CLCN4: variants seen among roughly 807,000 people sequenced by gnomAD.
CLCN4 encodes H(+)/Cl(-) exchange transporter 4.
In CLCN4, 1 loss-of-function variant was observed where a neutral mutation model predicts 41.7. The ratio of observed to expected loss-of-function variants is 0.02; its 90% CI spans 0.01 to 0.11. The LOEUF is 0.11. CLCN4 is among the 10% of genes least tolerant of loss of function. The pLI, the probability that CLCN4 is intolerant of heterozygous loss-of-function variation, is 1.00. For synonymous variants in CLCN4, 277 were observed against 285.8 expected, an observed-to-expected ratio of 0.97 and a Z score of 0.31; for missense variants, 287 against 661.0, an observed-to-expected ratio of 0.43 and a Z score of 6.20.
At chrX:10,224,562 G>A (rs1924943230) in intron 12 of CLCN4, among the ~76,000 whole-genome samples, 2 of 109,869 alleles carry the variant, frequency 1.8e-5, no homozygotes, top group Admixed American at 1.9e-4. Context: ...CAGGCGCTCC[G>A]GGGGGACTGT....
At chrX:10,175,890 TTCTCTC>T (rs1222370076) in intron 2 of CLCN4, among the ~76,000 whole-genome samples, 2 of 29,088 alleles carry the variant, frequency 6.9e-5, no homozygotes, top group African/African-American at 2.7e-4. Flanking sequence ...CTCTCTCTCT[TTCTCTC>T]TCTCTCTCCC....
intron 5 of CLCN4, among the ~76,000 whole-genome samples, chrX:10,195,351 G>C (rs1924071006): frequency 1.8e-5 from 2 of 110,083 alleles, no homozygotes; most frequent in Non-Finnish European, 3.8e-5. Flanking sequence ...CCTCATATTT[G>C]GCTTTATCTT....
intron 9 of CLCN4, among the ~76,000 whole-genome samples, chrX:10,209,593 G>C (rs1474657698): frequency 9.1e-6 from 1 of 110,164 alleles, no homozygotes; most frequent in Non-Finnish European, 1.9e-5. Context: ...AAACTCCCAG[G>C]CTCCAGTGAT....
At chrX:10,157,939 G>C (rs5934778) in intron 1 of CLCN4, among the ~76,000 whole-genome samples, 34,594 of 111,443 alleles carry the variant, frequency 0.31, 4,031 homozygotes, top group African/African-American at 0.39. Context: ...TTGGAATGCA[G>C]CTATTCAGAG....
chrX:10,163,750 G>A (rs1220791121), intron 2 of CLCN4, among the ~76,000 whole-genome samples: 1 of 111,979 alleles, frequency 8.9e-6, no homozygotes, highest in South Asian at 3.7e-4. Context: ...GGGTCTGTGC[G>A]TCTAGGCCAG....
chrX:10,163,957 C>T (rs901494186), intron 2 of CLCN4, among the ~76,000 whole-genome samples: 1 of 112,677 alleles, frequency 8.9e-6, no homozygotes, highest in African/African-American at 3.2e-5. Flanking sequence ...TCAGTATTGC[C>T]CCCAGTTGGT....
intron 2 of CLCN4, among the ~76,000 whole-genome samples, chrX:10,174,282 C>T (rs930896784): frequency 1.8e-5 from 2 of 111,986 alleles, no homozygotes; most frequent in Non-Finnish European, 3.8e-5. Context: ...GCCTGGTGGT[C>T]GGGGCACTGT....
chrX:10,228,670 C>T (rs113812594), intron 12 of CLCN4, among the ~76,000 whole-genome samples: 73 of 111,647 alleles, frequency 6.5e-4, no homozygotes, highest in African/African-American at 2.0e-3. Context: ...TGTCTGAAAG[C>T]TTCTGGCTGG....
chrX:10,182,478 T>C (rs1923708543), intron 2 of CLCN4, among the ~76,000 whole-genome samples: 5 of 111,916 alleles, frequency 4.5e-5, no homozygotes, highest in Admixed American at 2.8e-4. Context: ...CATGCTGGAG[T>C]GCGGTGGCGC....
intron 12 of CLCN4, among the ~76,000 whole-genome samples, chrX:10,221,744 G>C (rs1924867632): frequency 8.9e-6 from 1 of 112,356 alleles, no homozygotes; most frequent in Non-Finnish European, 1.9e-5. Context: ...TCTTAAAAAG[G>C]CCTGAAGTTG....
chrX:10,219,447 G>A (rs763238025), intron 11 of CLCN4, among the ~76,000 whole-genome samples: 1 of 112,310 alleles, frequency 8.9e-6, no homozygotes, highest in South Asian at 3.7e-4. Context: ...TTGAAAACGC[G>A]TTGTGCCTCA....
chrX:10,162,049 G>A (rs1923123855), intron 2 of CLCN4, among the ~76,000 whole-genome samples: 3 of 94,561 alleles, frequency 3.2e-5, no homozygotes, highest in Admixed American at 1.3e-4. Context: ...ACAGAGTCTC[G>A]GTCTGTCACC....
Position 10,206,898 on chromosome X carries a change from T to A in CLCN4, c.843+122T>A, listed in dbSNP as rs751982150. ...TTAAGGAGCCACAATTTCCACTGTT[T>A]TTTTTTTGTTTTGTTTTTGTTTTTG... is the stretch of plus-strand genomic sequence containing the variant. On this transcript the variant is annotated intron_variant, in intron 8 of 12. Coordinates refer to ENST00000380833, the MANE Select transcript of CLCN4 (RefSeq NM_001830.4). 141 of 490,082 alleles carry A rather than the reference T, an allele frequency of 2.9e-4. 1 individual carries two copies. The South Asian group carries it at 5.8e-3, about 20-fold the overall frequency. The allele number at this position is 490,082 out of a possible 1,213,427, so 40.4% of individuals were successfully genotyped here. A position where few individuals can be genotyped will look rare whatever the true frequency, so the allele number is the denominator to read the frequency against.
chrX:10,210,046 C>T (rs1569231023), intron 9 of CLCN4, among the ~76,000 whole-genome samples: 1 of 111,650 alleles, frequency 9.0e-6, no homozygotes, highest in Admixed American at 9.5e-5. Flanking sequence ...TAATCTGTCT[C>T]TAGATTCGCC....
At chrX:10,224,064 T>C (rs1924923577) in intron 12 of CLCN4, among the ~76,000 whole-genome samples, 3 of 111,862 alleles carry the variant, frequency 2.7e-5, no homozygotes, top group African/African-American at 9.7e-5. Flanking sequence ...AGCTTTCTTC[T>C]TTTGTGATAA....
intron 12 of CLCN4, among the ~76,000 whole-genome samples, chrX:10,224,293 CGT>C (rs772983564): frequency 0.081 from 7,119 of 87,721 alleles, 331 homozygotes; most frequent in South Asian, 0.34. Context: ...GGGAGGGTTC[CGT>C]GTGTGTGTGT....
intron 2 of CLCN4, among the ~76,000 whole-genome samples, chrX:10,177,161 T>C (rs183615328): frequency 1.2e-4 from 14 of 112,684 alleles, no homozygotes; most frequent in East Asian, 5.6e-4. Flanking sequence ...GAAGATGATA[T>C]GGAATTCATA....
intron 11 of CLCN4, among the ~76,000 whole-genome samples, chrX:10,216,389 C>T (rs1924706189): frequency 8.9e-6 from 1 of 111,854 alleles, no homozygotes; most frequent in Non-Finnish European, 1.9e-5. Context: ...GTATGCGACT[C>T]TTGCTCAAGT....
chrX:10,227,447 A>T (rs758930476), intron 12 of CLCN4, among the ~76,000 whole-genome samples: 29 of 112,127 alleles, frequency 2.6e-4, no homozygotes, highest in African/African-American at 8.4e-4. Flanking sequence ...CCAATATCAT[A>T]CTGAGTGGGC....
Sources: gnomAD v4.1 joint callset for allele counts (sites outside exome capture counted in the v4.1 genomes callset) on GRCh38, gnomAD v4.1.1 for gene constraint, MANE v1.5 for transcripts, NCBI Gene and HGNC (gene_info 2026-07-23, HGNC 2026-07-21) for gene names.